The following ARHGEF33 variants were observed in gnomAD, a reference collection of about 807,000 sequenced individuals.
ARHGEF33 encodes Rho guanine nucleotide exchange factor 33, also known as DH and coiled-coil domain-containing protein ENSP00000381780.
Under a neutral mutation model 101.9 loss-of-function variants are expected in ARHGEF33, and 72 were observed. That is an observed-to-expected ratio of 0.71 (90% CI 0.58 to 0.86). The LOEUF (loss-of-function observed/expected upper bound fraction) is 0.86. ARHGEF33 is among the 40% of genes least tolerant of loss of function. ARHGEF33 has a pLI of 0.00. For synonymous variants in ARHGEF33, 499 were observed against 442.5 expected (o/e 1.13, Z -1.60); for missense variants, 1,169 against 1,111.3 (o/e 1.05, Z -0.74).
At chr2:38,894,465 A>T (rs1266417252) in intron 1 of ARHGEF33, among the ~76,000 whole-genome samples, 1 of 152,132 alleles carries the variant, frequency 6.6e-6, no homozygotes, top group Non-Finnish European at 1.5e-5. Context: ...ACAAGCTAGA[A>T]GTGTATTTCT....
At chr2:38,960,915 G>A (rs902506059) in intron 16 of ARHGEF33, among the ~76,000 whole-genome samples, 9 of 152,350 alleles carry the variant, frequency 5.9e-5, no homozygotes, top group Admixed American at 3.9e-4. Flanking sequence ...TATGGTACAC[G>A]AGGGATGGCA....
chr2:38,920,383 T>C (rs1467584033), intron 3 of ARHGEF33, among the ~76,000 whole-genome samples: 1 of 149,850 alleles, frequency 6.7e-6, no homozygotes, highest in Non-Finnish European at 1.5e-5. Flanking sequence ...TGGTTTCTTT[T>C]CTTTTCTTTC....
chr2:38,943,750 C>T (rs769362017), intron 9 of ARHGEF33, 151 bp from the exon 10 acceptor site: 43 of 750,282 alleles, frequency 5.7e-5, no homozygotes, highest in African/African-American at 3.9e-4. Flanking sequence ...TGAATTACTG[C>T]GCCTCCATTC....
chr2:38,909,145 T>C (rs1666456305), intron 2 of ARHGEF33, among the ~76,000 whole-genome samples: 1 of 152,154 alleles, frequency 6.6e-6, no homozygotes, highest in South Asian at 2.1e-4. Context: ...GGAGGGGTGA[T>C]GGCCTTGTGA....
intron 2 of ARHGEF33, among the ~76,000 whole-genome samples, chr2:38,916,801 C>G (rs1488247968): frequency 1.4e-5 from 2 of 137,998 alleles, no homozygotes; most frequent in African/African-American, 5.3e-5. Context: ...ATAATAAAGT[C>G]TTTTTTTTTT....
intron 15 of ARHGEF33, chr2:38,959,567 A>C: frequency 2.8e-6 from 1 of 360,878 alleles, no homozygotes; most frequent in Admixed American, 4.3e-5. Context: ...GAGGAGGGTC[A>C]GGGCTTCCAC....
chr2:38,952,537 T>C (rs1475163889), intron 11 of ARHGEF33, among the ~76,000 whole-genome samples: 1 of 152,176 alleles, frequency 6.6e-6, no homozygotes, highest in Non-Finnish European at 1.5e-5. Flanking sequence ...AAATAAAAGA[T>C]ACATTTTTAT....
At chr2:38,962,849 CAAAA>C (rs386389985) in intron 16 of ARHGEF33, among the ~76,000 whole-genome samples, 5 of 56,130 alleles carry the variant, frequency 8.9e-5, no homozygotes, top group East Asian at 6.0e-4. Context: ...CCCGTCTCTA[CAAAA>C]AAAAAAAAAA....
At chr2:38,913,443 A>G (rs548315320) in intron 2 of ARHGEF33, among the ~76,000 whole-genome samples, 3 of 152,318 alleles carry the variant, frequency 2.0e-5, no homozygotes, top group Admixed American at 1.3e-4. Flanking sequence ...TATGGCTAAC[A>G]TAAGCTTAAT....
chr2:38,897,681 TA>T (rs1368646271), intron 2 of ARHGEF33, among the ~76,000 whole-genome samples: 1 of 152,210 alleles, frequency 6.6e-6, no homozygotes, highest in African/African-American at 2.4e-5. Flanking sequence ...GTGAGACTTT[TA>T]AATTTATAGT....
Position 38,960,499 on chromosome 2 carries a change from A to G in ARHGEF33, c.2194A>G (p.Ser732Gly), listed in dbSNP as rs1051490772. 9 of 1,358,548 alleles carry G rather than the reference A, an allele frequency of 6.6e-6. No individual in the cohort carries two copies. Among genetic ancestry groups the G allele is most frequent in the South Asian group, 1.7e-5 (1 of 57,576 alleles). 84.2% of individuals were successfully genotyped at this position (1,358,548 alleles called of 1,614,324 possible). The change falls in exon 16 of 18, where the codon AGC (serine) becomes GGC (glycine). Residue 732 changes from serine (S) to glycine (G), a missense_variant. Coordinates refer to ENST00000409978, the MANE Select transcript of ARHGEF33 (RefSeq NM_001145451.5). ...APRLYSTRSS[S>G]GGRAPIKAER... ...ACGCCTCTACAGCACGCGCAGCAGC[A>G]GCGGCGGCCGCGCGCCCATCAAGGC...
intron 11 of ARHGEF33, 130 bp downstream of exon 11, chr2:38,951,251 T>C (rs777240629): frequency 1.1e-6 from 1 of 872,846 alleles, no homozygotes; most frequent in Non-Finnish European, 1.7e-6. Flanking sequence ...AGTCTAACTT[T>C]CTCATTCTAC....
At chr2:38,954,897 G>A (rs1218007625) in intron 13 of ARHGEF33, among the ~76,000 whole-genome samples, 2 of 152,160 alleles carry the variant, frequency 1.3e-5, no homozygotes, top group African/African-American at 2.4e-5. Context: ...GCCTCCCAAA[G>A]TGGTGGGATT....
chr2:38,909,806 T>C (rs1477278457), intron 2 of ARHGEF33, among the ~76,000 whole-genome samples: 1 of 151,768 alleles, frequency 6.6e-6, no homozygotes. Context: ...GTGAGAATTG[T>C]CTTATCTCCT....
rs980718987 is a variant in ARHGEF33 at position 38,974,795 on chromosome 2, A to G, written c.*952A>G. ...GCAGTTGCTACAAACAGCAGGTCAAAGTGAAAATTCAGGATTGCAGCACTT... is the reference window on the plus strand; with the variant it reads ...GCAGTTGCTACAAACAGCAGGTCAAGGTGAAAATTCAGGATTGCAGCACTT... On this transcript the variant is annotated 3_prime_UTR_variant, in exon 18 of 18. Coordinates refer to ENST00000409978, the MANE Select transcript of ARHGEF33 (RefSeq NM_001145451.5). The G allele has an allele frequency of 1.3e-5, 2 of 152,212 alleles. No homozygotes were observed. Among genetic ancestry groups the G allele is most frequent in the African/African-American group, 4.8e-5 (2 of 41,456 alleles). The allele number at this position is 152,212 out of a possible 1,614,324, so 9.4% of individuals were successfully genotyped here.
At chr2:38,934,233 G>C (rs902177811) in intron 7 of ARHGEF33, among the ~76,000 whole-genome samples, 2 of 152,070 alleles carry the variant, frequency 1.3e-5, no homozygotes, top group African/African-American at 2.4e-5. Context: ...GTGCTTCTTT[G>C]ATTTTACACC....
chr2:38,903,544 C>T (rs537640821), intron 2 of ARHGEF33, among the ~76,000 whole-genome samples: 1 of 151,960 alleles, frequency 6.6e-6, no homozygotes. Flanking sequence ...GGCAAGCCCT[C>T]CAGGTGTTAA....
At chr2:38,964,517 C>G (rs1038447309) in intron 16 of ARHGEF33, among the ~76,000 whole-genome samples, 5 of 151,280 alleles carry the variant, frequency 3.3e-5, no homozygotes, top group African/African-American at 9.7e-5. Context: ...TCAGCTCCAC[C>G]TCAGATCATC....
rs1246410376 is a variant in ARHGEF33, at chr2:38,929,078, C to G, written c.240+7C>G. ...TTCATTAAACTATTTCAAGGTAGGC[C>G]TCTCTTTAATTTCCCTGCTGACAAG... On this transcript the variant is annotated splice_region_variant and intron_variant, in intron 5 of 17. Transcript: ENST00000409978. 8.4e-6 allele frequency: 13 copies of G among 1,542,316 alleles called. No homozygotes were observed. In the African/African-American group the frequency reaches 1.1e-4, roughly 13 times the overall value.
Sources: gnomAD v4.1 joint callset for allele counts (sites outside exome capture counted in the v4.1 genomes callset) on GRCh38, gnomAD v4.1.1 for gene constraint, MANE v1.5 for transcripts, NCBI Gene and HGNC (gene_info 2026-07-23, HGNC 2026-07-21) for gene names.